Variants in TRAPPC9 observed in about 807,000 individuals in gnomAD.
TRAPPC9 encodes trafficking protein particle complex subunit 9, also known as IKK2 binding protein.
In TRAPPC9, 83 loss-of-function variants were observed where a neutral mutation model predicts 124.0. That is an observed-to-expected ratio of 0.67 (90% CI 0.56 to 0.80). TRAPPC9 has a LOEUF of 0.80. TRAPPC9 is among the 30% of genes least tolerant of loss of function. The pLI, the probability that TRAPPC9 is intolerant of heterozygous loss-of-function variation, is 0.00. For synonymous variants in TRAPPC9, 638 were observed against 617.5 expected (o/e 1.03, Z -0.49); for missense variants, 1,302 against 1,508.3 (o/e 0.86, Z 2.27).
intron 19 of TRAPPC9, among the ~76,000 whole-genome samples, chr8:139,940,552 A>G (rs982257086): frequency 6.6e-6 from 1 of 152,212 alleles, no homozygotes; most frequent in East Asian, 1.9e-4. Context: ...GGACGTGGAG[A>G]GCGGCAGCCC....
intron 21 of TRAPPC9, among the ~76,000 whole-genome samples, chr8:139,841,978 CG>C (rs565252989): frequency 8.3e-4 from 127 of 152,278 alleles, no homozygotes; most frequent in African/African-American, 2.9e-3. Context: ...AAGTGAAGAC[CG>C]GGGACATGGG....
intron 21 of TRAPPC9, among the ~76,000 whole-genome samples, chr8:139,850,910 T>C (rs922614460): frequency 1.3e-5 from 2 of 152,092 alleles, no homozygotes; most frequent in Non-Finnish European, 2.9e-5. Context: ...TATGGCAGGA[T>C]CAAGATGAGT....
At position 139,732,222 on chromosome 8, in the gene TRAPPC9, G is replaced by A; in HGVS notation, c.3056-20C>T. 3 of 1,557,028 alleles carry A rather than the reference G, an allele frequency of 1.9e-6. No individual in the cohort carries two copies. The highest frequency in any genetic ancestry group is 2.6e-6 in the Non-Finnish European group (3 of 1,157,810). ...GCACATCTGTAAGGGACACGAGACT[G>A]TCGGGGGCTGGGCTGGCCTGCACGG... On this transcript the variant is annotated intron_variant, in intron 21 of 22. Transcript: ENST00000438773.
intron 2 of TRAPPC9, among the ~76,000 whole-genome samples, chr8:140,450,525 AG>A (rs1034575169): frequency 6.6e-6 from 1 of 152,142 alleles, no homozygotes; most frequent in African/African-American, 2.4e-5. Context: ...GAGTCCCACG[AG>A]GGGAGCCCCA....
At position 140,418,723 on chromosome 8, in the gene TRAPPC9, AAGATAGATAGAT is replaced by A. The variant is rs530951569; in HGVS notation, c.886+7880_886+7891del. On this transcript the variant is annotated intron_variant, in intron 5 of 22. Transcript: ENST00000438773. Reference sequence around the variant, plus strand: ...CGACAAAGCGAGACTCCATCTCAAAAAGATAGATAGATAGATAGATAGATAGATAGATAGATA... The same window carrying A: ...CGACAAAGCGAGACTCCATCTCAAAAAGATAGATAGATAGATAGATAGATA... Among the ~76,000 whole-genome samples, 401 of 141,336 alleles carry A rather than the reference AAGATAGATAGAT, an allele frequency of 2.8e-3. 2 individuals are homozygous for A. The highest frequency in any genetic ancestry group is 7.4e-3 in the Middle Eastern group (2 of 270). The allele number at this position is 141,336 out of a possible 152,430, so 92.7% of individuals were successfully genotyped here.
chr8:139,747,325 G>A (rs1818966153), intron 21 of TRAPPC9, among the ~76,000 whole-genome samples: 1 of 151,950 alleles, frequency 6.6e-6, no homozygotes, highest in Non-Finnish European at 1.5e-5. Context: ...GGGGTTTGGA[G>A]GAATCATGAG....
At chr8:140,313,904 T>A (rs1218568987) in intron 9 of TRAPPC9, among the ~76,000 whole-genome samples, 2 of 152,010 alleles carry the variant, frequency 1.3e-5, no homozygotes, top group Non-Finnish European at 2.9e-5. Flanking sequence ...TTCAGTGGGG[T>A]TTCTAGAGTC....
At chr8:139,897,374 C>G (rs1184910913) in intron 20 of TRAPPC9, among the ~76,000 whole-genome samples, 1 of 152,220 alleles carries the variant, frequency 6.6e-6, no homozygotes, top group Non-Finnish European at 1.5e-5. Flanking sequence ...GGAGGCAGCC[C>G]CACCTTCCCA....
rs1391693665 is a variant in TRAPPC9, at chr8:140,360,139, T to C, written c.1406A>G (p.Tyr469Cys). The change falls in exon 9 of 23, where the codon TAC becomes TGC. Residue 469 changes from tyrosine to cysteine, a missense_variant. Tyr to Cys is a radical substitution (Grantham distance 194). Transcript: ENST00000438773. The part of the protein sequence containing the change: ...VQMRLLHELV[Y>C]ASRRMGNPAL... ...AGGGTTCCCCATCCTTCGGGAGGCG[T>C]AGACCAATTCATGGAGCAAACGCAT... 1 of 1,614,066 alleles carries C rather than the reference T, an allele frequency of 6.2e-7. No homozygotes were observed. The highest frequency in any genetic ancestry group is 1.3e-5 in the African/African-American group (1 of 74,894).
At chr8:140,007,903 C>G (rs1232669661) in intron 18 of TRAPPC9, among the ~76,000 whole-genome samples, 1 of 152,018 alleles carries the variant, frequency 6.6e-6, no homozygotes. Flanking sequence ...CAAGACAGAC[C>G]GGTGAGCAGA....
intron 17 of TRAPPC9, among the ~76,000 whole-genome samples, chr8:140,142,070 GCA>G (rs1354770545): frequency 6.6e-6 from 1 of 152,200 alleles, no homozygotes; most frequent in Non-Finnish European, 1.5e-5. Context: ...ATCTGCAGCA[GCA>G]TTCATGCTGG....
intron 19 of TRAPPC9, among the ~76,000 whole-genome samples, chr8:139,957,547 T>C (rs2941572): frequency 0.88 from 133,699 of 152,196 alleles, 58,875 homozygotes; most frequent in Middle Eastern, 0.99. Context: ...GGCAACACCG[T>C]ACCATGCCTT....
chr8:140,428,787 A>C (rs868738274), intron 4 of TRAPPC9, among the ~76,000 whole-genome samples: 4 of 152,154 alleles, frequency 2.6e-5, no homozygotes, highest in Non-Finnish European at 5.9e-5. Flanking sequence ...TCTGAACAGG[A>C]GTTTTCTAGA....
In TRAPPC9 at chr8:139,959,724, A is replaced by G. The variant is rs1408846382; in HGVS notation, c.2810+29002T>C. 2.0e-5 allele frequency among the ~76,000 whole-genome samples: 3 copies of G among 152,226 alleles called. No homozygotes were observed. The East Asian group carries it at 5.8e-4, about 29-fold the overall frequency. ...CACTGCTTAAGCCAGGACAGCCACTAGGCCAACAAGCCAGAAGAGAAGGGC... is the reference window on the plus strand; with the variant it reads ...CACTGCTTAAGCCAGGACAGCCACTGGGCCAACAAGCCAGAAGAGAAGGGC... On this transcript the variant is annotated intron_variant, in intron 19 of 22. Coordinates refer to ENST00000438773, the MANE Select transcript of TRAPPC9 (RefSeq NM_001160372.4).
At chr8:140,393,707 C>T (rs757907632) in intron 7 of TRAPPC9, among the ~76,000 whole-genome samples, 1 of 152,158 alleles carries the variant, frequency 6.6e-6, no homozygotes, top group Non-Finnish European at 1.5e-5. Flanking sequence ...TCCATATTAG[C>T]CAAAGTCATT....
chr8:139,898,774 C>G (rs1830825955), intron 20 of TRAPPC9, among the ~76,000 whole-genome samples: 1 of 152,108 alleles, frequency 6.6e-6, no homozygotes, highest in African/African-American at 2.4e-5. Context: ...AGATCTCAAT[C>G]CCTTCCGTGA....
intron 21 of TRAPPC9, among the ~76,000 whole-genome samples, chr8:139,778,171 A>G (rs1244577913): frequency 6.6e-6 from 1 of 152,196 alleles, no homozygotes; most frequent in Non-Finnish European, 1.5e-5. Flanking sequence ...TCAAACACAC[A>G]CACACACACC....
chr8:140,252,786 G>A lies in TRAPPC9; in HGVS notation c.2422C>T (p.Leu808Phe), dbSNP rs772710096. Residue 808 changes from leucine to phenylalanine, a missense_variant, in exon 16 of 23, where the codon CTC becomes TTC. Physicochemically the swap from Leu to Phe is conservative, Grantham distance 22 (BLOSUM62 0). Transcript: ENST00000438773. This position sits in a 1 kb window ranked among gnomAD's most constrained non-coding sequence, Gnocchi z 4.2. ...TTAGGAAAGCGCTTACCATCACTGAGATCCTGCAGGAGATTCTCCTGGCAG... is the reference window on the plus strand; with the variant it reads ...TTAGGAAAGCGCTTACCATCACTGAAATCCTGCAGGAGATTCTCCTGGCAG... The part of the protein sequence containing the change: ...FSCQENLLQD[L>F]SDDGISVSGF... 3.1e-6 allele frequency: 5 copies of A among 1,613,960 alleles called. No individual in the cohort carries two copies. The East Asian group carries it at 1.1e-4, about 36-fold the overall frequency.
At position 139,835,997 on chromosome 8, in the gene TRAPPC9, G is replaced by T. The variant is rs150950678; in HGVS notation, c.3055+49882C>A. 2.8e-3 allele frequency among the ~76,000 whole-genome samples: 415 copies of T among 146,550 alleles called. 1 individual carries two copies. The highest frequency in any genetic ancestry group is 0.01 in the African/African-American group (376 of 37,308). Reference sequence around the variant, plus strand: ...AGGAAAGCTGGGTGTAGCACAAAGGGAAGCATTTATTTATTTATTTATTTT... The same window carrying T: ...AGGAAAGCTGGGTGTAGCACAAAGGTAAGCATTTATTTATTTATTTATTTT... On this transcript the variant is annotated intron_variant, in intron 21 of 22. Coordinates refer to ENST00000438773, the MANE Select transcript of TRAPPC9 (RefSeq NM_001160372.4).
Sources: gnomAD v4.1 joint callset for allele counts (sites outside exome capture counted in the v4.1 genomes callset) on GRCh38, gnomAD v4.1.1 for gene constraint, Gnocchi (gnomAD v3.1) non-coding constraint, MANE v1.5 for transcripts, NCBI Gene and HGNC (gene_info 2026-07-23, HGNC 2026-07-21) for gene names.